ZNF567: variants seen among roughly 807,000 people sequenced by gnomAD.
The protein encoded by ZNF567 is zinc finger protein 567.
A neutral mutation model predicts 53.9 loss-of-function variants in ZNF567; 36 were observed. The observed-to-expected ratio is 0.67, with a 90% confidence interval of 0.51 to 0.88. The LOEUF is 0.88. Among genes scored for constraint, ZNF567 ranks in the 40% least tolerant of loss-of-function variants. ZNF567 has a pLI of 0.00. For missense variants in ZNF567, 619 were observed against 764.7 expected, an observed-to-expected ratio of 0.81 and a Z score of 2.25; for synonymous variants, 224 against 260.4, an observed-to-expected ratio of 0.86 and a Z score of 1.35.
intron 2 of ZNF567, among the ~76,000 whole-genome samples, chr19:36,692,558 T>C (rs1238191260): frequency 6.6e-6 from 1 of 151,766 alleles, no homozygotes; most frequent in Non-Finnish European, 1.5e-5. Context: ...TTTTATTTTG[T>C]AGAGACAGAG....
At position 36,720,837 on chromosome 19, in the gene ZNF567, G is replaced by A; in HGVS notation, c.*169G>A. 1 of 542,954 alleles carries A rather than the reference G, an allele frequency of 1.8e-6. No individual in the cohort carries two copies. Among genetic ancestry groups the A allele is most frequent in the African/African-American group, 1.9e-5 (1 of 51,420 alleles). 33.6% of individuals were successfully genotyped at this position (542,954 alleles called of 1,614,324 possible). A position where few individuals can be genotyped will look rare whatever the true frequency, so the allele number is the denominator to read the frequency against. On this transcript the variant is annotated 3_prime_UTR_variant, in exon 6 of 6. Coordinates refer to ENST00000682579, the MANE Select transcript of ZNF567 (RefSeq NM_001322917.1). Reference sequence around the variant, plus strand: ...GTTTACTAGCATATAAAATAAGTATGATCATTATTATTGAACTCTATCAGC... The same window carrying A: ...GTTTACTAGCATATAAAATAAGTATAATCATTATTATTGAACTCTATCAGC...
chr19:36,722,863 G>A (rs1023405665), downstream of ZNF567, among the ~76,000 whole-genome samples: 30 of 152,074 alleles, frequency 2.0e-4, no homozygotes, highest in African/African-American at 6.0e-4. Context: ...GAAAACACAC[G>A]TGTGTGTATG....
chr19:36,717,769 C>T (rs926596861), intron 5 of ZNF567, among the ~76,000 whole-genome samples: 36 of 152,122 alleles, frequency 2.4e-4, no homozygotes, highest in Non-Finnish European at 3.4e-4. Context: ...TGATTTAGGA[C>T]CAGATTGTTC....
rs949614713 is a variant in ZNF567 at position 36,719,900 on chromosome 19, C to T, written c.1176C>T (p.Pro392=). The T allele has an allele frequency of 1.4e-5, 23 of 1,604,594 alleles. No homozygotes were observed. The highest frequency in any genetic ancestry group is 1.8e-5 in the Non-Finnish European group (21 of 1,173,968). The change falls in exon 6 of 6, where the codon CCC becomes CCT. Residue 392 remains proline (P), a synonymous_variant. Coordinates refer to ENST00000682579, the MANE Select transcript of ZNF567 (RefSeq NM_001322917.1). ...AGAGAATCCATACAGGTGAGAAACC[C>T]TACATTTGTAAAGAATGTGGGAAGT... ...LHQRIHTGEK[P]YICKECGKSF...
chr19:36,676,055 CTTTTTTTTTTTTTTTTTT>C, the ZNF567 span, among the ~76,000 whole-genome samples: 2 of 60,598 alleles, frequency 3.3e-5, no homozygotes, highest in Non-Finnish European at 6.1e-5. Context: ...TATTCTACAC[CTTTTTTTTTTTTTTTTTT>C]TTTTTTTTTT....
Position 36,720,432 on chromosome 19 carries a change from T to C in ZNF567, c.1708T>C (p.Phe570Leu). The part of the protein sequence containing the change: ...SYECPQCGKA[F>L]SRKSYLIHHQ... ...TGAATGTCCTCAGTGTGGGAAAGCC[T>C]TTAGCAGGAAGTCATATCTCATTCA... Residue 570 changes from phenylalanine to leucine, a missense_variant, in exon 6 of 6, where the codon TTT becomes CTT. Coordinates refer to ENST00000682579, the MANE Select transcript of ZNF567 (RefSeq NM_001322917.1). The C allele has an allele frequency of 6.2e-7, 1 of 1,613,994 alleles. No homozygotes were observed. The highest frequency in any genetic ancestry group is 8.5e-7 in the Non-Finnish European group (1 of 1,179,998).
At chr19:36,690,435 T>C (rs1240335178) in intron 2 of ZNF567, among the ~76,000 whole-genome samples, 1 of 151,618 alleles carries the variant, frequency 6.6e-6, no homozygotes, top group Non-Finnish European at 1.5e-5. Flanking sequence ...TCTACAAAAA[T>C]ACAAAAATTA....
intron 5 of ZNF567, among the ~76,000 whole-genome samples, chr19:36,715,513 ATTATTATT>A (rs2040019757): frequency 2.7e-4 from 9 of 33,520 alleles, no homozygotes; most frequent in East Asian, 1.8e-3. Context: ...AATAATAATT[ATTATTATT>A]ATTATTATTA....
At position 36,720,370 on chromosome 19, in the gene ZNF567, C is replaced by G; in HGVS notation, c.1646C>G (p.Thr549Ser). 6.2e-7 allele frequency: 1 copy of G among 1,613,994 alleles called. No homozygotes were observed. The highest frequency in any genetic ancestry group is 1.3e-5 in the African/African-American group (1 of 74,970). ...GKSFRQKATL[T>S]VHQKIHTGQK... ...TCCTTTCGCCAGAAAGCAACCCTCA[C>G]TGTACATCAGAAAATACATACCGGC... is the stretch of plus-strand genomic sequence containing the variant. Residue 549 changes from threonine (T) to serine (S), a missense_variant, in exon 6 of 6, where the codon ACT becomes AGT. By Grantham distance (58) the Thr-to-Ser change is moderately conservative. Coordinates refer to ENST00000682579, the MANE Select transcript of ZNF567 (RefSeq NM_001322917.1).
chr19:36,716,827 G>A (rs944687843), intron 5 of ZNF567, among the ~76,000 whole-genome samples: 10 of 152,050 alleles, frequency 6.6e-5, no homozygotes, highest in African/African-American at 2.2e-4. Flanking sequence ...CAGTGATCAT[G>A]TAAAATTTTT....
At position 36,720,029 on chromosome 19, in the gene ZNF567, C is replaced by G. The variant is rs769125064; in HGVS notation, c.1305C>G (p.Thr435=). Residue 435 remains threonine (T), a synonymous_variant, in exon 6 of 6, where the codon ACC becomes ACG. Transcript: ENST00000682579. Reference sequence around the variant, plus strand: ...GGAAATCCTTCTCCCAGAAGACAACCCTTGCTCTTCATGAGAAAACTCATA... The same window carrying G: ...GGAAATCCTTCTCCCAGAAGACAACGCTTGCTCTTCATGAGAAAACTCATA... ...ECGKSFSQKT[T]LALHEKTHNE... 6.2e-7 allele frequency: 1 copy of G among 1,613,754 alleles called. No individual in the cohort carries two copies. Among genetic ancestry groups the G allele is most frequent in the Middle Eastern group, 1.7e-4 (1 of 6,054 alleles).
At chr19:36,694,944 A>G (rs2038802612) in intron 3 of ZNF567, 68 bp downstream of exon 3, 4 of 1,463,138 alleles carry the variant, frequency 2.7e-6, no homozygotes, top group East Asian at 5.0e-5. Context: ...ATATTTGGGC[A>G]TGTGTCGGTC....
At chr19:36,699,596 A>G (rs370367926) in intron 3 of ZNF567, among the ~76,000 whole-genome samples, 1 of 151,946 alleles carries the variant, frequency 6.6e-6, no homozygotes, top group Non-Finnish European at 1.5e-5. Context: ...CTTTTATTTC[A>G]TTGAGCAGTG....
At chr19:36,712,041 C>G (rs2039812979) in intron 3 of ZNF567, 1 of 174,424 alleles carries the variant, frequency 5.7e-6, no homozygotes, top group Non-Finnish European at 1.2e-5. Context: ...TCCAGTCCAC[C>G]TGTTCTTTTT....
the ZNF567 span, among the ~76,000 whole-genome samples, chr19:36,680,668 C>G: frequency 2.6e-5 from 4 of 152,162 alleles, no homozygotes; most frequent in African/African-American, 9.7e-5. Context: ...GGCCAGAACT[C>G]CAAAAATCTA....
intron 2 of ZNF567, among the ~76,000 whole-genome samples, chr19:36,692,023 G>GA (rs1464078904): frequency 3.3e-5 from 5 of 152,184 alleles, no homozygotes; most frequent in Non-Finnish European, 7.3e-5. Flanking sequence ...CCATTGTCTG[G>GA]ATGGATCACA....
chr19:36,703,136 T>G (rs1051248559), intron 3 of ZNF567, among the ~76,000 whole-genome samples: 2 of 152,186 alleles, frequency 1.3e-5, no homozygotes, highest in African/African-American at 4.8e-5. Flanking sequence ...TTAGTTTTCC[T>G]TCTAACAGAC....
chr19:36,705,608 A>T (rs530890245), intron 3 of ZNF567, among the ~76,000 whole-genome samples: 1 of 152,198 alleles, frequency 6.6e-6, no homozygotes, highest in Middle Eastern at 3.2e-3. Context: ...TAATTTGGTC[A>T]GTGTTCTCTG....
At chr19:36,726,294 T>G (rs1245786880), downstream of ZNF567, among the ~76,000 whole-genome samples, 1 of 152,226 alleles carries the variant, frequency 6.6e-6, no homozygotes, top group Non-Finnish European at 1.5e-5. Flanking sequence ...TTTTTTCATT[T>G]GAGATTTTCC....
Sources: allele counts gnomAD v4.1 joint callset (sites outside exome capture counted in the v4.1 genomes callset), GRCh38; gene constraint gnomAD v4.1.1; transcripts MANE v1.5; gene names NCBI Gene and HGNC (gene_info 2026-07-23, HGNC 2026-07-21).